The following PKHD1 variants were observed in gnomAD, a reference collection of about 807,000 sequenced individuals.
The protein encoded by PKHD1 is fibrocystin.
PKHD1 carries 291 observed loss-of-function variants against 412.0 expected under a neutral mutation model. The ratio of observed to expected loss-of-function variants is 0.71; its 90% CI spans 0.64 to 0.78. The LOEUF is 0.78. PKHD1 is among the 30% of genes least tolerant of loss of function. The pLI, the probability that PKHD1 is intolerant of heterozygous loss-of-function variation, is 0.00. For missense variants in PKHD1, 4,825 were observed against 4,950.7 expected (o/e 0.97, Z 0.76); for synonymous variants, 1,777 against 1,821.5 (o/e 0.98, Z 0.62).
At chr6:52,069,659 C>A in intron 10 of PKHD1, 132 bp from the exon 11 acceptor site, 1 of 766,086 alleles carries the variant, frequency 1.3e-6, no homozygotes, top group Non-Finnish European at 2.4e-6. Flanking sequence ...TAGCAGCTCC[C>A]TTGGATAACT....
rs74701225 is a variant in PKHD1 at position 51,725,266 on chromosome 6, C to T, written c.10156+19119G>A. 2.4e-4 allele frequency among the ~76,000 whole-genome samples: 36 copies of T among 152,198 alleles called. 1 individual carries two copies. The East Asian group carries it at 7.0e-3, about 29-fold the overall frequency. ...TAAAACCTACGTATCTGGAATAAGG[C>T]CTCTGGATCTTTTTTAAACAGGACT... On this transcript the variant is annotated intron_variant, in intron 60 of 66. Transcript: ENST00000371117.
intron 53 of PKHD1, among the ~76,000 whole-genome samples, chr6:51,789,134 C>A (rs945001955): frequency 1.3e-5 from 2 of 152,044 alleles, no homozygotes; most frequent in African/African-American, 4.8e-5. Context: ...AGAGGCAATG[C>A]CAATAAGAAA....
chr6:51,670,953 A>C (rs9395705), intron 60 of PKHD1, among the ~76,000 whole-genome samples: 84,725 of 151,008 alleles, frequency 0.56, 24,569 homozygotes, highest in Non-Finnish European at 0.65. Context: ...GTGGGTAACC[A>C]GACCTTTCTC....
rs149111536 is a variant in PKHD1 at position 51,619,506 on chromosome 6, C to T, written c.11800G>A (p.Val3934Ile). The part of the protein sequence containing the change: ...TVVGEDMRMK[V>I]MLGKVNQCPH... ...CACTGGTTCACCTTGCCCAGCATGACCTTCATTCTCATATCTGGGGGGAAA... is the reference window on the plus strand; with the variant it reads ...CACTGGTTCACCTTGCCCAGCATGATCTTCATTCTCATATCTGGGGGGAAA... Residue 3934 changes from valine to isoleucine, a missense_variant, in exon 67 of 67, where the codon GTC becomes ATC. By Grantham distance (29) the Val-to-Ile change is conservative. Transcript: ENST00000371117. 1,414 of 1,613,928 alleles carry T rather than the reference C, an allele frequency of 8.8e-4. 1 individual carries two copies. Among genetic ancestry groups the T allele is most frequent in the Non-Finnish European group, 1.1e-3 (1,308 of 1,179,816 alleles).
chr6:51,776,686 A>G (rs1360945941), intron 53 of PKHD1, among the ~76,000 whole-genome samples: 1 of 152,096 alleles, frequency 6.6e-6, no homozygotes, highest in Non-Finnish European at 1.5e-5. Context: ...ACTATTAAGT[A>G]ACAGAATCTA....
Position 51,874,865 on chromosome 6 carries a change from C to A in PKHD1, c.7351-4226G>T. On this transcript the variant is annotated intron_variant, in intron 46 of 66. Transcript: ENST00000371117. ...CATCTGAGGTACCGGGTTCATCTCA[C>A]TAGGGAGTGCCAGACAGTGGGCGCA... Among the ~76,000 whole-genome samples, 2 of 102,820 alleles carry A rather than the reference C, an allele frequency of 1.9e-5. 1 individual carries two copies. Among genetic ancestry groups the A allele is most frequent in the Non-Finnish European group, 3.7e-5 (2 of 54,272 alleles). The allele number at this position is 102,820 out of a possible 152,430, so 67.5% of individuals were successfully genotyped here. A position where few individuals can be genotyped will look rare whatever the true frequency, so the allele number is the denominator to read the frequency against.
At chr6:51,901,415 C>T (rs532335791) in intron 43 of PKHD1, among the ~76,000 whole-genome samples, 49 of 150,908 alleles carry the variant, frequency 3.2e-4, no homozygotes, top group African/African-American at 1.1e-3. Context: ...TAAACTATCG[C>T]AAGAACAAAA....
chr6:51,844,148 C>T (rs1428207977), intron 50 of PKHD1, among the ~76,000 whole-genome samples: 1 of 152,186 alleles, frequency 6.6e-6, no homozygotes, highest in Non-Finnish European at 1.5e-5. Context: ...ATTAACCACA[C>T]TTGAATATAT....
intron 50 of PKHD1, among the ~76,000 whole-genome samples, chr6:51,840,872 T>G: frequency 6.6e-6 from 1 of 152,176 alleles, no homozygotes; most frequent in East Asian, 1.9e-4. Flanking sequence ...ATGGTTACTT[T>G]AGAGGCATAA....
At chr6:51,835,470 A>G (rs1769041007) in intron 51 of PKHD1, among the ~76,000 whole-genome samples, 1 of 152,182 alleles carries the variant, frequency 6.6e-6, no homozygotes, top group Non-Finnish European at 1.5e-5. Flanking sequence ...TCCCCAAGAG[A>G]TCATAAGACC....
At chr6:51,671,896 T>A (rs1046345908) in intron 60 of PKHD1, among the ~76,000 whole-genome samples, 1 of 152,162 alleles carries the variant, frequency 6.6e-6, no homozygotes, top group Non-Finnish European at 1.5e-5. Flanking sequence ...GAGGAGGTAG[T>A]CTGCCCGTTC....
intron 60 of PKHD1, among the ~76,000 whole-genome samples, chr6:51,717,157 AT>A (rs1781369713): frequency 6.6e-6 from 1 of 152,238 alleles, no homozygotes; most frequent in Admixed American, 6.5e-5. Context: ...CACGCCTGTA[AT>A]CCCAACATTT....
chr6:51,976,944 T>TAAAAAAAAAAA (rs10671492), intron 35 of PKHD1, among the ~76,000 whole-genome samples: 18 of 93,520 alleles, frequency 1.9e-4, no homozygotes, highest in African/African-American at 8.2e-4. Flanking sequence ...TGAGACTCCA[T>TAAAAAAAAAAA]AAAAAAAAAA....
chr6:52,037,373 A>AT (rs1296530822), intron 27 of PKHD1, among the ~76,000 whole-genome samples: 119 of 152,252 alleles, frequency 7.8e-4, no homozygotes, highest in African/African-American at 2.8e-3. Context: ...AGGAAGATAT[A>AT]TTTTATTATG....
At chr6:51,981,815 C>T (rs1323062420) in intron 35 of PKHD1, among the ~76,000 whole-genome samples, 1 of 129,228 alleles carries the variant, frequency 7.7e-6, no homozygotes, top group Admixed American at 8.1e-5. Flanking sequence ...TGCCTGGCTG[C>T]CCAGTCTGGA....
At chr6:51,622,079 G>T (rs528527589) in intron 66 of PKHD1, among the ~76,000 whole-genome samples, 1 of 152,256 alleles carries the variant, frequency 6.6e-6, no homozygotes, top group Non-Finnish European at 1.5e-5. Context: ...GGGAAAATGG[G>T]ATACAATATG....
chr6:51,935,406 A>G (rs938973280), intron 36 of PKHD1, among the ~76,000 whole-genome samples: 7 of 152,272 alleles, frequency 4.6e-5, no homozygotes, highest in African/African-American at 1.7e-4. Flanking sequence ...TAATGTCAAA[A>G]TAATTAAAGC....
chr6:51,940,072 C>T (rs542780955), intron 36 of PKHD1, among the ~76,000 whole-genome samples: 2 of 151,722 alleles, frequency 1.3e-5, no homozygotes, highest in South Asian at 2.1e-4. Flanking sequence ...GGCTCTTTTT[C>T]ATCAAATATG....
intron 55 of PKHD1, among the ~76,000 whole-genome samples, chr6:51,761,997 T>C (rs1788095471): frequency 6.6e-6 from 1 of 152,030 alleles, no homozygotes; most frequent in Non-Finnish European, 1.5e-5. Flanking sequence ...ATTCAGTCCA[T>C]CAGGAGTCAT....
Sources: allele counts gnomAD v4.1 joint callset (sites outside exome capture counted in the v4.1 genomes callset), GRCh38; gene constraint gnomAD v4.1.1; transcripts MANE v1.5; gene names NCBI Gene and HGNC (gene_info 2026-07-23, HGNC 2026-07-21).